Variants in MECOM observed in about 807,000 individuals in gnomAD.
MECOM encodes MDS1 and EVI1 complex locus, also known as histone-lysine N-methyltransferase MECOM.
In MECOM, 13 loss-of-function variants were observed where a neutral mutation model predicts 116.3. The ratio of observed to expected loss-of-function variants is 0.11; its 90% CI spans 0.07 to 0.18. The LOEUF is 0.18. MECOM is among the 10% of genes least tolerant of loss of function. MECOM has a pLI of 1.00. For missense variants in MECOM, 1,299 were observed against 1,509.0 expected, an observed-to-expected ratio of 0.86 and a Z score of 2.31; for synonymous variants, 528 against 535.2, an observed-to-expected ratio of 0.99 and a Z score of 0.19.
chr3:169,259,488 G>A (rs1310413621), intron 2 of MECOM, among the ~76,000 whole-genome samples: 1 of 152,104 alleles, frequency 6.6e-6, no homozygotes, highest in Non-Finnish European at 1.5e-5. Flanking sequence ...AGCACTTTGG[G>A]AGCCCAAGCA....
chr3:169,451,627 A>G (rs371778352), intron 1 of MECOM, among the ~76,000 whole-genome samples: 1 of 152,190 alleles, frequency 6.6e-6, no homozygotes, highest in East Asian at 1.9e-4. Context: ...AAAATATTCT[A>G]GGTCTCAATG....
At chr3:169,378,525 A>G in intron 2 of MECOM, among the ~76,000 whole-genome samples, 1 of 46,492 alleles carries the variant, frequency 2.2e-5, no homozygotes, top group Non-Finnish European at 4.5e-5. Context: ...AAAGAAAGAA[A>G]GAAAGAAAGA....
At chr3:169,480,777 C>T (rs1229554001) in intron 1 of MECOM, among the ~76,000 whole-genome samples, 1 of 152,066 alleles carries the variant, frequency 6.6e-6, no homozygotes, top group Non-Finnish European at 1.5e-5. Flanking sequence ...GGAGGCTCCT[C>T]TCTGAAGATT....
intron 2 of MECOM, among the ~76,000 whole-genome samples, chr3:169,234,596 A>G (rs571665955): frequency 1.6e-4 from 25 of 152,294 alleles, no homozygotes; most frequent in African/African-American, 6.0e-4. Context: ...AGAGCCTTCA[A>G]TAATTTGAGA....
intron 2 of MECOM, among the ~76,000 whole-genome samples, chr3:169,218,522 A>G (rs1577375682): frequency 6.6e-6 from 1 of 152,150 alleles, no homozygotes; most frequent in African/African-American, 2.4e-5. Context: ...TGGAATGAGT[A>G]TTTTACAAAT....
At chr3:169,276,758 T>C (rs964830652) in intron 2 of MECOM, among the ~76,000 whole-genome samples, 4 of 152,130 alleles carry the variant, frequency 2.6e-5, no homozygotes, top group African/African-American at 9.7e-5. Flanking sequence ...GCATTGTTTA[T>C]AGAAACAAAA....
intron 2 of MECOM, among the ~76,000 whole-genome samples, chr3:169,184,560 T>A (rs904963236): frequency 2.0e-5 from 3 of 152,088 alleles, no homozygotes; most frequent in Non-Finnish European, 4.4e-5. Context: ...CCCAGAAATA[T>A]TGAACAAGTA....
intron 12 of MECOM, among the ~76,000 whole-genome samples, chr3:169,095,840 T>C (rs1367096334): frequency 6.6e-6 from 1 of 151,562 alleles, no homozygotes; most frequent in Non-Finnish European, 1.5e-5. Context: ...ATCTTTAAAC[T>C]GTTATAAAAA....
At chr3:169,663,058 G>A (rs917598298) in intron 1 of MECOM, among the ~76,000 whole-genome samples, 3 of 108,992 alleles carry the variant, frequency 2.8e-5, no homozygotes, top group African/African-American at 1.1e-4. Flanking sequence ...AGTCTTTGCT[G>A]CCCCCACCCC....
chr3:169,361,544 C>A (rs1728303775), intron 2 of MECOM, among the ~76,000 whole-genome samples: 2 of 151,828 alleles, frequency 1.3e-5, no homozygotes, highest in South Asian at 4.1e-4. Context: ...CTGCTCTAAG[C>A]TCTTCACAAT....
chr3:169,259,606 G>A (rs1490390570), intron 2 of MECOM, among the ~76,000 whole-genome samples: 1 of 152,212 alleles, frequency 6.6e-6, no homozygotes, highest in East Asian at 1.9e-4. Context: ...GCACACACCT[G>A]TAGTTCCAGC....
intron 1 of MECOM, among the ~76,000 whole-genome samples, chr3:169,609,546 G>T (rs1769000116): frequency 6.6e-6 from 1 of 151,940 alleles, no homozygotes; most frequent in Admixed American, 6.6e-5. Flanking sequence ...GCAGATTGGT[G>T]GGAGAGGAGT....
chr3:169,331,559 C>T (rs552797488), intron 2 of MECOM, among the ~76,000 whole-genome samples: 3 of 152,222 alleles, frequency 2.0e-5, no homozygotes, highest in South Asian at 2.1e-4. Flanking sequence ...GAATAGCTTA[C>T]TGTGAGTGTT....
chr3:169,571,256 A>G (rs1763867298), intron 1 of MECOM, among the ~76,000 whole-genome samples: 1 of 152,218 alleles, frequency 6.6e-6, no homozygotes, highest in Non-Finnish European at 1.5e-5. Context: ...TACAAAGAGA[A>G]TAAAATACCT....
chr3:169,381,090 G>T, intron 2 of MECOM, 97 bp downstream of exon 2: 3 of 1,074,524 alleles, frequency 2.8e-6, no homozygotes, highest in Non-Finnish European at 4.0e-6. Flanking sequence ...AAAACATATT[G>T]TAACAAATAT....
At chr3:169,654,831 C>CACACAT (rs566489977) in intron 1 of MECOM, among the ~76,000 whole-genome samples, 3,568 of 151,972 alleles carry the variant, frequency 0.023, 143 homozygotes, top group African/African-American at 0.084. Context: ...CACACACACA[C>CACACAT]ACACACACAC....
chr3:169,605,143 C>A (rs1054632845), intron 1 of MECOM, among the ~76,000 whole-genome samples: 2 of 152,096 alleles, frequency 1.3e-5, no homozygotes, highest in African/African-American at 4.8e-5. Flanking sequence ...TAACCTGGCT[C>A]TCGGATTCCT....
chr3:169,155,958 A>AG (rs1243715289), intron 2 of MECOM, among the ~76,000 whole-genome samples: 4 of 152,206 alleles, frequency 2.6e-5, no homozygotes, highest in African/African-American at 9.6e-5. Flanking sequence ...ACAGTATGTA[A>AG]TATTAAAAGC....
intron 2 of MECOM, among the ~76,000 whole-genome samples, chr3:169,167,588 T>C (rs1743784758): frequency 6.6e-6 from 1 of 152,222 alleles, no homozygotes; most frequent in Non-Finnish European, 1.5e-5. Flanking sequence ...TTGCAAATCC[T>C]CTATAATTGC....
Sources: allele counts gnomAD v4.1 joint callset (sites outside exome capture counted in the v4.1 genomes callset), GRCh38; gene constraint gnomAD v4.1.1; transcripts MANE v1.5; gene names NCBI Gene and HGNC (gene_info 2026-07-23, HGNC 2026-07-21).